The following SPON1 variants were observed in gnomAD, a reference collection of about 807,000 sequenced individuals.
The protein encoded by SPON1 is spondin-1.
Under a neutral mutation model 111.7 loss-of-function variants are expected in SPON1, and 52 were observed. That is an observed-to-expected ratio of 0.47 (90% CI 0.37 to 0.59). The LOEUF is 0.59. Ranked by LOEUF, SPON1 falls within the 20% of genes least tolerant of loss-of-function variation. The pLI, the probability that SPON1 is intolerant of heterozygous loss-of-function variation, is 0.00. For synonymous variants in SPON1, 410 were observed against 395.8 expected (o/e 1.04, Z -0.43); for missense variants, 957 against 1,068.5 (o/e 0.90, Z 1.46).
chr11:14,147,745 C>T lies in SPON1; in HGVS notation c.825+12177C>T, dbSNP rs573249404. On this transcript the variant is annotated intron_variant, in intron 6 of 15. Coordinates refer to ENST00000576479, the MANE Select transcript of SPON1 (RefSeq NM_006108.4). ...AACATTTTTTAAGTAGTGGAAAATACTAAGACTTTTTTTTTTTTTGAGAGG... is the reference window on the plus strand; with the variant it reads ...AACATTTTTTAAGTAGTGGAAAATATTAAGACTTTTTTTTTTTTTGAGAGG... 2.4e-4 allele frequency among the ~76,000 whole-genome samples: 29 copies of T among 119,990 alleles called. No individual in the cohort carries two copies. In the South Asian group the frequency reaches 8.4e-3, roughly 35 times the overall value. 78.7% of individuals were successfully genotyped at this position (119,990 alleles called of 152,430 possible). A position where few individuals can be genotyped will look rare whatever the true frequency, so the allele number is the denominator to read the frequency against.
intron 6 of SPON1, among the ~76,000 whole-genome samples, chr11:14,184,674 T>G (rs1461554580): frequency 5.3e-5 from 8 of 152,210 alleles, no homozygotes; most frequent in African/African-American, 1.9e-4. Context: ...CTGACTTGGC[T>G]TTCCCCATAA....
rs929601361 is a variant in SPON1 at position 13,996,821 on chromosome 11, T to C, written c.345+13868T>C. On this transcript the variant is annotated intron_variant, in intron 2 of 15. Coordinates refer to ENST00000576479, the MANE Select transcript of SPON1 (RefSeq NM_006108.4). ...GTTTTATTTTTATGGGAACATTATA[T>C]TGTGAACATATTTCAATGAAATTAA... is the stretch of plus-strand genomic sequence containing the variant. Among the ~76,000 whole-genome samples the C allele has an allele frequency of 3.9e-5, 6 of 152,314 alleles. No individual in the cohort carries two copies. The East Asian group carries it at 9.6e-4, about 24-fold the overall frequency.
At chr11:14,082,334 T>C (rs1881513) in intron 5 of SPON1, among the ~76,000 whole-genome samples, 152,240 of 152,348 alleles carry the variant, frequency 1, 76,067 homozygotes, top group Middle Eastern at 1. Context: ...CATGATGTCT[T>C]ATAGACAATT....
At chr11:14,115,986 T>C (rs1849263979) in intron 5 of SPON1, among the ~76,000 whole-genome samples, 1 of 152,204 alleles carries the variant, frequency 6.6e-6, no homozygotes, top group Non-Finnish European at 1.5e-5. Context: ...GGGATTTTGA[T>C]TTGTACTTTT....
chr11:13,980,088 T>C (rs1427319844), intron 1 of SPON1, among the ~76,000 whole-genome samples: 1 of 152,058 alleles, frequency 6.6e-6, no homozygotes, highest in Non-Finnish European at 1.5e-5. Flanking sequence ...TTGCCCAGGC[T>C]ACAGTGCAGT....
intron 10 of SPON1, among the ~76,000 whole-genome samples, chr11:14,256,977 T>A (rs905358612): frequency 1.6e-4 from 25 of 152,106 alleles, no homozygotes; most frequent in African/African-American, 5.1e-4. Context: ...TTCAGACCAC[T>A]CTCTGCTTCG....
chr11:14,242,987 G>T lies in SPON1; in HGVS notation c.826-345G>T, dbSNP rs114005605. The stretch of plus-strand genomic sequence containing the variant: ...CACTCAGTTGCTGGACACAGAGCAT[G>T]GCTCTGCCCTCTGAAATGGACATGA... On this transcript the variant is annotated intron_variant, in intron 6 of 15. Coordinates refer to ENST00000576479, the MANE Select transcript of SPON1 (RefSeq NM_006108.4). 2.1e-3 allele frequency among the ~76,000 whole-genome samples: 317 copies of T among 152,344 alleles called. 1 individual carries two copies. The highest frequency in any genetic ancestry group is 6.7e-3 in the African/African-American group (277 of 41,574).
chr11:13,987,692 A>T (rs955653486), intron 2 of SPON1, among the ~76,000 whole-genome samples: 1 of 152,148 alleles, frequency 6.6e-6, no homozygotes, highest in Non-Finnish European at 1.5e-5. Context: ...TAGGTCTTAC[A>T]TTTAAGTTTC....
At chr11:14,023,944 G>A (rs1405454366) in intron 2 of SPON1, among the ~76,000 whole-genome samples, 2 of 151,746 alleles carry the variant, frequency 1.3e-5, no homozygotes, top group African/African-American at 2.4e-5. Flanking sequence ...CGAGGTTGGA[G>A]TGAGCCAAGA....
At chr11:14,247,355 A>G (rs1277017170) in intron 7 of SPON1, among the ~76,000 whole-genome samples, 1 of 152,214 alleles carries the variant, frequency 6.6e-6, no homozygotes, top group Non-Finnish European at 1.5e-5. Context: ...GGCTGCAGTG[A>G]ACCATGCACT....
intron 6 of SPON1, among the ~76,000 whole-genome samples, chr11:14,215,190 G>A (rs1245850082): frequency 6.6e-6 from 1 of 152,052 alleles, no homozygotes; most frequent in African/African-American, 2.4e-5. Context: ...CAAGTAGCTG[G>A]GACTACAGGT....
intron 6 of SPON1, among the ~76,000 whole-genome samples, chr11:14,213,393 T>C (rs1554936896): frequency 6.6e-6 from 1 of 152,112 alleles, no homozygotes; most frequent in Non-Finnish European, 1.5e-5. Flanking sequence ...CATTCCTTTT[T>C]TTTTTTTCTT....
intron 6 of SPON1, among the ~76,000 whole-genome samples, chr11:14,151,631 A>G (rs1269713623): frequency 2.2e-4 from 33 of 152,192 alleles, no homozygotes; most frequent in Admixed American, 2.2e-3. Context: ...CCTCCATGCA[A>G]CAGCTTAAAT....
At chr11:14,087,825 G>A (rs904789424) in intron 5 of SPON1, among the ~76,000 whole-genome samples, 1 of 152,174 alleles carries the variant, frequency 6.6e-6, no homozygotes, top group African/African-American at 2.4e-5. Flanking sequence ...GGGTGCTCCT[G>A]TATTGGGGGC....
intron 5 of SPON1, among the ~76,000 whole-genome samples, chr11:14,119,878 G>A (rs148548972): frequency 1.3e-5 from 2 of 152,108 alleles, no homozygotes; most frequent in Non-Finnish European, 2.9e-5. Context: ...GTAGCCACTC[G>A]ATACACTTAA....
intron 5 of SPON1, among the ~76,000 whole-genome samples, chr11:14,127,784 G>T (rs76208072): frequency 0.022 from 3,313 of 152,334 alleles, 122 homozygotes; most frequent in African/African-American, 0.075. Context: ...AGACTCTAAT[G>T]TAAAAAGAGG....
At chr11:14,207,138 G>A (rs1218501456) in intron 6 of SPON1, among the ~76,000 whole-genome samples, 33 of 152,274 alleles carry the variant, frequency 2.2e-4, no homozygotes, top group Admixed American at 1.1e-3. Context: ...AATGGGGAAA[G>A]GATTTCCTGT....
At chr11:14,111,001 A>G (rs1849222803) in intron 5 of SPON1, among the ~76,000 whole-genome samples, 1 of 152,342 alleles carries the variant, frequency 6.6e-6, no homozygotes. Flanking sequence ...TATCAAATGA[A>G]TGACAGATAA....
intron 6 of SPON1, among the ~76,000 whole-genome samples, chr11:14,182,994 TGCA>T (rs1156688275): frequency 6.6e-6 from 1 of 152,206 alleles, no homozygotes; most frequent in Non-Finnish European, 1.5e-5. Flanking sequence ...AATAAAGACC[TGCA>T]GCAGCACACC....
Sources: gnomAD v4.1 joint callset for allele counts (sites outside exome capture counted in the v4.1 genomes callset) on GRCh38, gnomAD v4.1.1 for gene constraint, MANE v1.5 for transcripts, NCBI Gene and HGNC (gene_info 2026-07-23, HGNC 2026-07-21) for gene names.